The following KIAA1217 variants were observed in gnomAD, a reference collection of about 807,000 sequenced individuals.
KIAA1217 encodes the protein sickle tail protein homolog.
KIAA1217 carries 88 observed loss-of-function variants against 163.9 expected under a neutral mutation model. The ratio of observed to expected loss-of-function variants is 0.54; its 90% confidence interval spans 0.45 to 0.64. KIAA1217 has a LOEUF of 0.64. Ranked by LOEUF, KIAA1217 falls within the 30% of genes least tolerant of loss-of-function variation. The probability of loss-of-function intolerance (pLI) is 0.00; values close to 1 mark genes in which losing one functional copy is unlikely to be tolerated. For synonymous variants in KIAA1217, 903 were observed against 923.1 expected, an observed-to-expected ratio of 0.98 and a Z score of 0.39; for missense variants, 2,372 against 2,475.0, an observed-to-expected ratio of 0.96 and a Z score of 0.88.
chr10:24,250,865 G>C (rs2074422154), intron 2 of KIAA1217, among the ~76,000 whole-genome samples: 1 of 151,138 alleles, frequency 6.6e-6, no homozygotes, highest in African/African-American at 2.4e-5. Context: ...CGAGAGAGCA[G>C]ATTGCTTGAG....
chr10:24,488,149 A>G (rs2065642798), intron 6 of KIAA1217, among the ~76,000 whole-genome samples: 1 of 152,210 alleles, frequency 6.6e-6, no homozygotes, highest in Admixed American at 6.5e-5. Flanking sequence ...TTTCAGATCT[A>G]GACAGTAACA....
intron 1 of KIAA1217, among the ~76,000 whole-genome samples, chr10:23,806,266 A>C (rs1836739461): frequency 1.3e-5 from 2 of 152,178 alleles, no homozygotes; most frequent in South Asian, 4.1e-4. Flanking sequence ...GCCTGATAAT[A>C]TTCTCATAGG....
At chr10:23,831,596 G>T (rs546343935) in intron 1 of KIAA1217, among the ~76,000 whole-genome samples, 55 of 152,120 alleles carry the variant, frequency 3.6e-4, no homozygotes, top group African/African-American at 1.3e-3. Context: ...TTAAATAATT[G>T]TATTAGGAAT....
intron 17 of KIAA1217, among the ~76,000 whole-genome samples, chr10:24,539,430 C>T (rs2074661927): frequency 6.6e-6 from 1 of 151,992 alleles, no homozygotes. Context: ...AGGGTTTCAC[C>T]TTGTTGGCCA....
chr10:24,348,369 C>T (rs2048055729), intron 2 of KIAA1217, among the ~76,000 whole-genome samples: 1 of 101,846 alleles, frequency 9.8e-6, no homozygotes, highest in African/African-American at 3.6e-5. Context: ...AATTATCCTA[C>T]AAGAATTACC....
At chr10:23,790,416 T>TATGTATATATACATATATAC (rs1835798558) in intron 1 of KIAA1217, among the ~76,000 whole-genome samples, 2 of 79,944 alleles carry the variant, frequency 2.5e-5, no homozygotes, top group Non-Finnish European at 5.2e-5. Flanking sequence ...TACATATACA[T>TATGTATATATACATATATAC]ATATACATAT....
intron 2 of KIAA1217, among the ~76,000 whole-genome samples, chr10:24,311,450 C>A (rs866635476): frequency 6.6e-6 from 1 of 152,204 alleles, no homozygotes; most frequent in South Asian, 2.1e-4. Flanking sequence ...CGATGTTTGG[C>A]TACCCATTGT....
chr10:24,289,863 T>G (rs1215458805), intron 2 of KIAA1217, among the ~76,000 whole-genome samples: 1 of 152,084 alleles, frequency 6.6e-6, no homozygotes, highest in Non-Finnish European at 1.5e-5. Flanking sequence ...CTGAAGGCTT[T>G]GAGAAAAGTA....
chr10:24,343,366 A>T (rs976936690), intron 2 of KIAA1217, among the ~76,000 whole-genome samples: 2 of 150,444 alleles, frequency 1.3e-5, no homozygotes, highest in African/African-American at 4.9e-5. Context: ...TTTTATAATC[A>T]TTGACGTTAG....
intron 2 of KIAA1217, among the ~76,000 whole-genome samples, chr10:24,264,787 CTCTCTCTCTCTCTCTCAT>C (rs1368633919): frequency 6.6e-6 from 1 of 151,348 alleles, no homozygotes; most frequent in Non-Finnish European, 1.5e-5. Context: ...CTCTCTCTCT[CTCTCTCTCTCTCTCTCAT>C]TCTCTCTTTC....
At chr10:24,225,016 C>T (rs904172553) in intron 2 of KIAA1217, among the ~76,000 whole-genome samples, 1 of 151,864 alleles carries the variant, frequency 6.6e-6, no homozygotes, top group African/African-American at 2.4e-5. Context: ...TTAGTAGAGA[C>T]GGGGTTCACT....
At chr10:23,758,701 T>C (rs1308895285) in intron 1 of KIAA1217, among the ~76,000 whole-genome samples, 1 of 146,742 alleles carries the variant, frequency 6.8e-6, no homozygotes, top group Non-Finnish European at 1.5e-5. Flanking sequence ...TTTTTTTTTT[T>C]TTGTTTCAGA....
intron 14 of KIAA1217, among the ~76,000 whole-genome samples, chr10:24,530,354 A>C (rs1412737306): frequency 6.6e-6 from 1 of 152,040 alleles, no homozygotes; most frequent in East Asian, 1.9e-4. Context: ...TTTTTAATGC[A>C]TCTCTGACCT....
At chr10:24,096,953 A>G (rs554617611) in intron 2 of KIAA1217, among the ~76,000 whole-genome samples, 13 of 152,342 alleles carry the variant, frequency 8.5e-5, no homozygotes, top group East Asian at 7.7e-4. Flanking sequence ...ATAAATATCT[A>G]TTGGACAGAA....
rs746534767 is a variant in KIAA1217, at chr10:24,341,620, C to T, written c.355-39249C>T. 8.6e-5 allele frequency among the ~76,000 whole-genome samples: 13 copies of T among 151,768 alleles called. 1 individual carries two copies. The highest frequency in any genetic ancestry group is 2.9e-4 in the African/African-American group (12 of 41,064). On this transcript the variant is annotated intron_variant, in intron 2 of 20. Coordinates refer to ENST00000376454, the MANE Select transcript of KIAA1217 (RefSeq NM_019590.5). ...TTTCCTTTTATACTCTGCGTCATAGCCAAAGACTCCTTTAATACTTACTTT... is the reference window on the plus strand; with the variant it reads ...TTTCCTTTTATACTCTGCGTCATAGTCAAAGACTCCTTTAATACTTACTTT...
At chr10:24,542,829 CA>C (rs1213070940) in intron 18 of KIAA1217, 53 bp from the exon 19 acceptor site, 41 of 1,610,210 alleles carry the variant, frequency 2.5e-5, no homozygotes, top group Non-Finnish European at 3.3e-5. Flanking sequence ...CCTGCCTCTG[CA>C]GATCCATTGC....
At chr10:24,441,138 G>A (rs182035110) in intron 5 of KIAA1217, among the ~76,000 whole-genome samples, 131 of 152,252 alleles carry the variant, frequency 8.6e-4, no homozygotes, top group African/African-American at 3.1e-3. Flanking sequence ...AGGGAACTCC[G>A]TCCTCCCTTA....
At chr10:24,022,678 T>C (rs1039561366) in intron 2 of KIAA1217, among the ~76,000 whole-genome samples, 9 of 151,712 alleles carry the variant, frequency 5.9e-5, no homozygotes, top group Non-Finnish European at 3.0e-5. Context: ...ATGGCAGGTT[T>C]TTTTCATGGT....
chr10:23,891,633 C>G (rs1345690144), intron 1 of KIAA1217, among the ~76,000 whole-genome samples: 1 of 151,946 alleles, frequency 6.6e-6, no homozygotes, highest in Non-Finnish European at 1.5e-5. Context: ...TCTCTACTCT[C>G]AATTACAGCG....
Sources: gnomAD v4.1 joint callset for allele counts (sites outside exome capture counted in the v4.1 genomes callset) on GRCh38, gnomAD v4.1.1 for gene constraint, MANE v1.5 for transcripts, NCBI Gene and HGNC (gene_info 2026-07-23, HGNC 2026-07-21) for gene names.